CAPN8: variants seen among roughly 807,000 people sequenced by gnomAD.
The protein encoded by CAPN8 is calpain-8.
A neutral mutation model predicts 80.9 loss-of-function variants in CAPN8; 87 were observed. The observed-to-expected ratio is 1.07, with a 90% CI of 0.90 to 1.28. The LOEUF is 1.28. CAPN8 is among the 50% of genes most tolerant of loss of function. CAPN8 has a pLI of 0.00. For missense variants in CAPN8, 757 were observed against 702.0 expected, an observed-to-expected ratio of 1.08 and a Z score of -0.89; for synonymous variants, 299 against 273.8, an observed-to-expected ratio of 1.09 and a Z score of -0.91.
At chr1:223,547,947 A>G (rs1019259623) in intron 16 of CAPN8, among the ~76,000 whole-genome samples, 2 of 152,200 alleles carry the variant, frequency 1.3e-5, no homozygotes, top group African/African-American at 4.8e-5. Flanking sequence ...TGGAGAAAAG[A>G]CACGAGGGCT....
intron 13 of CAPN8, among the ~76,000 whole-genome samples, chr1:223,556,854 G>C (rs1656917290): frequency 6.6e-6 from 1 of 152,184 alleles, no homozygotes; most frequent in Non-Finnish European, 1.5e-5. Context: ...ATATGCCTGG[G>C]ACCCACAGTA....
intron 2 of CAPN8, among the ~76,000 whole-genome samples, chr1:223,649,073 C>T (rs1355754185): frequency 6.6e-6 from 1 of 152,216 alleles, no homozygotes; most frequent in African/African-American, 2.4e-5. Flanking sequence ...AGTCTCTGGT[C>T]CTCATTTAGG....
chr1:223,554,463 T>C (rs935684273), intron 13 of CAPN8, among the ~76,000 whole-genome samples: 2 of 151,834 alleles, frequency 1.3e-5, no homozygotes, highest in African/African-American at 4.8e-5. Context: ...CTACAAAAAA[T>C]ACAAAAATTA....
At chr1:223,639,677 AG>A (rs1407658071) in intron 2 of CAPN8, among the ~76,000 whole-genome samples, 1 of 152,248 alleles carries the variant, frequency 6.6e-6, no homozygotes, top group African/African-American at 2.4e-5. Flanking sequence ...TCTGGTTTTG[AG>A]GGCTGCCCAA....
At chr1:223,638,448 T>G (rs904250112) in intron 2 of CAPN8, among the ~76,000 whole-genome samples, 2 of 152,136 alleles carry the variant, frequency 1.3e-5, no homozygotes, top group African/African-American at 4.8e-5. Flanking sequence ...TGACTGTATA[T>G]GTAACAGCAG....
chr1:223,622,928 C>T, intron 6 of CAPN8, 28 bp from the exon 7 acceptor site: 1 of 1,525,312 alleles, frequency 6.6e-7, no homozygotes, highest in Non-Finnish European at 8.9e-7. Flanking sequence ...AGAAAAGCGA[C>T]TGAATTACTA....
At chr1:223,620,049 C>T (rs1243591293) in intron 8 of CAPN8, 143 bp downstream of exon 8, 7 of 727,704 alleles carry the variant, frequency 9.6e-6, no homozygotes, top group East Asian at 2.7e-5. Flanking sequence ...TGGAATTATA[C>T]CAGGACAAAA....
intron 2 of CAPN8, among the ~76,000 whole-genome samples, chr1:223,637,531 C>T (rs1657934997): frequency 6.6e-6 from 1 of 152,166 alleles, no homozygotes; most frequent in Non-Finnish European, 1.5e-5. Flanking sequence ...GTTCCTACTC[C>T]TGAGCACCCT....
At chr1:223,552,884 C>A (rs1656827835) in intron 14 of CAPN8, among the ~76,000 whole-genome samples, 1 of 152,158 alleles carries the variant, frequency 6.6e-6, no homozygotes, top group Non-Finnish European at 1.5e-5. Context: ...TGGCCCTTGG[C>A]AGCTAAGGAA....
intron 2 of CAPN8, among the ~76,000 whole-genome samples, chr1:223,649,256 A>G (rs956424851): frequency 5.9e-5 from 9 of 152,244 alleles, no homozygotes; most frequent in Admixed American, 1.3e-4. Context: ...GGCACAAATG[A>G]TACCACACCT....
intron 16 of CAPN8, 23 bp downstream of exon 16, chr1:223,549,295 A>G: frequency 1.3e-6 from 2 of 1,537,826 alleles, no homozygotes; most frequent in South Asian, 1.2e-5. Flanking sequence ...AAAAAAAAAA[A>G]TAATGCAACA....
chr1:223,553,814 T>C lies in CAPN8; in HGVS notation c.1641+18A>G, dbSNP rs1656851817. 1.0e-5 allele frequency: 4 copies of C among 398,684 alleles called. No individual in the cohort carries two copies. The highest frequency in any genetic ancestry group is 6.3e-4 in the Middle Eastern group (1 of 1,590). The allele number at this position is 398,684 out of a possible 1,614,324, so 24.7% of individuals were successfully genotyped here. On this transcript the variant is annotated intron_variant, in intron 14 of 20. Transcript: ENST00000366872. ...ATTCTCCTGCCCACCTGGGAAGCCA[T>C]GTTCGCCCTCCACTCACCTTCCCTG...
chr1:223,648,532 T>C (rs2102731385), intron 2 of CAPN8, among the ~76,000 whole-genome samples: 1 of 152,310 alleles, frequency 6.6e-6, no homozygotes, highest in South Asian at 2.1e-4. Flanking sequence ...AGTTACTGAC[T>C]AGCGGTGTGC....
intron 6 of CAPN8, among the ~76,000 whole-genome samples, chr1:223,623,189 T>C (rs1657454471): frequency 6.6e-6 from 1 of 152,232 alleles, no homozygotes; most frequent in Non-Finnish European, 1.5e-5. Flanking sequence ...TTGACTAAGA[T>C]TGACTGAGCT....
intron 2 of CAPN8, among the ~76,000 whole-genome samples, chr1:223,649,304 T>G (rs2102731915): frequency 6.6e-6 from 1 of 152,342 alleles, no homozygotes; most frequent in Middle Eastern, 3.4e-3. Flanking sequence ...AGGTAAGAAC[T>G]GGATGGAGCT....
chr1:223,656,366 G>A (rs1485562705), intron 1 of CAPN8, among the ~76,000 whole-genome samples: 1 of 151,986 alleles, frequency 6.6e-6, no homozygotes, highest in Non-Finnish European at 1.5e-5. Context: ...CTACTCAGGA[G>A]GCTGAGGCAG....
At chr1:223,656,026 T>C (rs1458205762) in intron 1 of CAPN8, among the ~76,000 whole-genome samples, 3 of 152,126 alleles carry the variant, frequency 2.0e-5, no homozygotes, top group African/African-American at 4.8e-5. Flanking sequence ...GCATGGGGTC[T>C]GGATGAAGCT....
In CAPN8 at chr1:223,554,939, TCAC is replaced by T. The variant is rs1489327704; in HGVS notation, c.1573-1042_1573-1040del. The stretch of plus-strand genomic sequence containing the variant: ...CCCAAAATAGGACAATGCCCAGTTG[TCAC>T]CACAAGACAGAATGGAAAAGTGACA... On this transcript the variant is annotated intron_variant, in intron 13 of 20. Transcript: ENST00000366872. 5.7e-3 allele frequency among the ~76,000 whole-genome samples: 866 copies of T among 152,368 alleles called. 8 individuals are homozygous for T. Among genetic ancestry groups the T allele is most frequent in the African/African-American group, 0.02 (814 of 41,590 alleles).
chr1:223,635,305 T>C (rs1226873731), intron 2 of CAPN8, among the ~76,000 whole-genome samples: 2 of 152,178 alleles, frequency 1.3e-5, no homozygotes, highest in Admixed American at 6.5e-5. Context: ...GGCGTTTGAT[T>C]CATGCCATTT....
Sources: allele counts gnomAD v4.1 joint callset (sites outside exome capture counted in the v4.1 genomes callset), GRCh38; gene constraint gnomAD v4.1.1; transcripts MANE v1.5; gene names NCBI Gene and HGNC (gene_info 2026-07-23, HGNC 2026-07-21).